The following RBFOX1 variants were observed in gnomAD, a reference collection of about 807,000 sequenced individuals.
RBFOX1 encodes the protein RNA binding fox-1 homolog 1.
In RBFOX1, 8 loss-of-function variants were observed where a neutral mutation model predicts 57.7. The ratio of observed to expected loss-of-function variants is 0.14; its 90% confidence interval spans 0.08 to 0.25. RBFOX1 has a LOEUF of 0.25. RBFOX1 is among the 10% of genes least tolerant of loss of function. RBFOX1 has a pLI of 1.00. For missense variants in RBFOX1, 611 were observed against 548.5 expected (o/e 1.11, Z -1.14); for synonymous variants, 326 against 222.4 (o/e 1.47, Z -4.15).
At chr16:5,704,688 G>A (rs892679095) in intron 3 of RBFOX1, among the ~76,000 whole-genome samples, 18 of 152,274 alleles carry the variant, frequency 1.2e-4, no homozygotes, top group African/African-American at 4.3e-4. Flanking sequence ...GAGGTGGCTA[G>A]GGTTTCATTT....
intron 1 of RBFOX1, among the ~76,000 whole-genome samples, chr16:6,194,464 C>T (rs752720960): frequency 1.3e-5 from 2 of 152,188 alleles, no homozygotes; most frequent in Admixed American, 6.5e-5. Context: ...CAGGAACACT[C>T]CTTGTTTCTC....
intron 3 of RBFOX1, among the ~76,000 whole-genome samples, chr16:6,884,015 G>A (rs370159741): frequency 6.6e-6 from 1 of 152,142 alleles, no homozygotes; most frequent in Non-Finnish European, 1.5e-5. Flanking sequence ...CAAGGAGGGG[G>A]TGTTTTTTGT....
chr16:5,578,816 A>G lies in RBFOX1; in HGVS notation c.259-20086A>G, dbSNP rs1175112360. On this transcript the variant is annotated intron_variant, in intron 2 of 2. Coordinates refer to the RBFOX1 transcript ENST00000585867. ...GCTTCAATCCCAAAAGTACTAGCGC[A>G]TGAAACCTCCACACACACACACACA... Among the ~76,000 whole-genome samples, 6 of 150,224 alleles carry G rather than the reference A, an allele frequency of 4.0e-5. No individual in the cohort carries two copies. The East Asian group carries it at 9.8e-4, about 25-fold the overall frequency.
intron 4 of RBFOX1, among the ~76,000 whole-genome samples, chr16:7,137,380 G>C (rs7202634): frequency 0.097 from 14,801 of 152,166 alleles, 870 homozygotes; most frequent in Middle Eastern, 0.17. Context: ...AATTGTGGGG[G>C]TAGTTTCCCC....
chr16:7,140,700 C>T (rs775299889), intron 4 of RBFOX1, among the ~76,000 whole-genome samples: 1 of 152,102 alleles, frequency 6.6e-6, no homozygotes, highest in African/African-American at 2.4e-5. Context: ...GAGTGATATC[C>T]TGTGCAATAA....
intron 4 of RBFOX1, among the ~76,000 whole-genome samples, chr16:5,979,830 C>G (rs185837859): frequency 1.3e-5 from 2 of 152,308 alleles, no homozygotes; most frequent in East Asian, 3.9e-4. Flanking sequence ...CCACTGCGCT[C>G]CAGCCTGGCA....
At chr16:7,612,380 T>A (rs1228369384) in intron 10 of RBFOX1, among the ~76,000 whole-genome samples, 2 of 135,776 alleles carry the variant, frequency 1.5e-5, no homozygotes, top group Admixed American at 7.2e-5. Flanking sequence ...CACACACAAA[T>A]CCAGGTGAGT....
intron 4 of RBFOX1, among the ~76,000 whole-genome samples, chr16:7,156,914 T>C (rs767627049): frequency 2.6e-5 from 4 of 152,210 alleles, no homozygotes; most frequent in Non-Finnish European, 5.9e-5. Flanking sequence ...TCCGTTTACA[T>C]TCCTATAATA....
intron 3 of RBFOX1, among the ~76,000 whole-genome samples, chr16:5,782,363 A>C (rs905955759): frequency 3.3e-5 from 5 of 152,212 alleles, no homozygotes; most frequent in Non-Finnish European, 7.3e-5. Flanking sequence ...GAGGGGACAG[A>C]AGGGGCAAAA....
At chr16:5,718,533 A>C (rs2051803267) in intron 3 of RBFOX1, among the ~76,000 whole-genome samples, 1 of 152,240 alleles carries the variant, frequency 6.6e-6, no homozygotes, top group African/African-American at 2.4e-5. Context: ...TGGAAGAGAG[A>C]AAATCAAGTA....
At chr16:6,208,752 A>G (rs2097272300) in intron 1 of RBFOX1, among the ~76,000 whole-genome samples, 1 of 152,154 alleles carries the variant, frequency 6.6e-6, no homozygotes, top group South Asian at 2.1e-4. Flanking sequence ...TTCTTCTTGG[A>G]AAATTGGAGT....
At chr16:5,600,379 G>A (rs1438677086), downstream of RBFOX1, among the ~76,000 whole-genome samples, 7 of 151,594 alleles carry the variant, frequency 4.6e-5, no homozygotes, top group Admixed American at 1.3e-4. Flanking sequence ...TCAGACACTC[G>A]GGAGGCTGAG....
intron 2 of RBFOX1, among the ~76,000 whole-genome samples, chr16:6,578,878 G>T (rs902833487): frequency 2.0e-5 from 3 of 151,860 alleles, no homozygotes; most frequent in African/African-American, 7.3e-5. Flanking sequence ...GGACTTTGGG[G>T]ACTTGGGGGA....
intron 3 of RBFOX1, among the ~76,000 whole-genome samples, chr16:6,698,150 C>G (rs11647673): frequency 0.051 from 7,790 of 152,258 alleles, 319 homozygotes; most frequent in Non-Finnish European, 0.074. Flanking sequence ...AACCAGAAAT[C>G]CACTTATATT....
At chr16:5,418,456 A>G (rs112293700) in intron 1 of RBFOX1, among the ~76,000 whole-genome samples, 1,595 of 152,282 alleles carry the variant, frequency 0.01, 38 homozygotes, top group African/African-American at 0.037. Flanking sequence ...GAATTACGCC[A>G]GGAAAGACCA....
rs1013166 is a variant in RBFOX1 at position 7,600,394 on chromosome 16, G to A, written c.622+2963G>A. On this transcript the variant is annotated intron_variant, in intron 9 of 15. Coordinates refer to ENST00000550418, the MANE Select transcript of RBFOX1 (RefSeq NM_018723.4). Reference sequence around the variant, plus strand: ...CCAAGCTATCCCAAGTTTCAACTCAGGAGTATCACCACTACAGATAAATTC... The same window carrying A: ...CCAAGCTATCCCAAGTTTCAACTCAAGAGTATCACCACTACAGATAAATTC... Among the ~76,000 whole-genome samples the A allele has an allele frequency of 1.3e-4, 20 of 152,288 alleles. No individual in the cohort carries two copies. The East Asian group carries it at 3.9e-3, about 29-fold the overall frequency.
intron 4 of RBFOX1, among the ~76,000 whole-genome samples, chr16:7,075,165 G>T (rs2058073955): frequency 6.6e-6 from 1 of 152,210 alleles, no homozygotes; most frequent in Non-Finnish European, 1.5e-5. Flanking sequence ...AGTTGGTTTT[G>T]TTCTGTTGCA....
chr16:6,983,448 C>G (rs377616008), intron 3 of RBFOX1, among the ~76,000 whole-genome samples: 2 of 131,168 alleles, frequency 1.5e-5, no homozygotes, highest in South Asian at 4.8e-4. Context: ...GACTTGCTGG[C>G]TTTTTTTTTT....
chr16:7,202,812 C>A (rs139497972), intron 4 of RBFOX1, among the ~76,000 whole-genome samples: 3 of 152,202 alleles, frequency 2.0e-5, no homozygotes, highest in Non-Finnish European at 2.9e-5. Context: ...GCCCCCCACC[C>A]TGGCCATTAG....
Sources: allele counts gnomAD v4.1 joint callset (sites outside exome capture counted in the v4.1 genomes callset), GRCh38; gene constraint gnomAD v4.1.1; transcripts MANE v1.5; gene names NCBI Gene and HGNC (gene_info 2026-07-23, HGNC 2026-07-21).